The following PCDHGB4 variants were observed in gnomAD, a reference collection of about 807,000 sequenced individuals.
PCDHGB4 encodes protocadherin gamma subfamily B, 4.
Under a neutral mutation model 60.5 loss-of-function variants are expected in PCDHGB4, and 38 were observed. The observed-to-expected ratio is 0.63, with a 90% CI of 0.48 to 0.82. The LOEUF (loss-of-function observed/expected upper bound fraction) is 0.82. PCDHGB4 is among the 40% of genes least tolerant of loss of function. The probability of loss-of-function intolerance (pLI) is 0.00; values close to 1 mark genes in which losing one functional copy is unlikely to be tolerated. For missense variants in PCDHGB4, 1,109 were observed against 1,209.6 expected, an observed-to-expected ratio of 0.92 and a Z score of 1.23; for synonymous variants, 456 against 509.7, an observed-to-expected ratio of 0.89 and a Z score of 1.42.
chr5:141,395,221 A>G, intron 1 of PCDHGB4: 1 of 1,611,672 alleles, frequency 6.2e-7, no homozygotes, highest in Non-Finnish European at 8.5e-7. Context: ...TATAAGAATG[A>G]AGCTGATCAT....
At chr5:141,429,925 A>G (rs1009987955) in intron 1 of PCDHGB4, among the ~76,000 whole-genome samples, 5 of 152,244 alleles carry the variant, frequency 3.3e-5, no homozygotes, top group African/African-American at 1.2e-4. Flanking sequence ...TATTAATAGA[A>G]TTCTGGAGTA....
At position 141,412,987 on chromosome 5, in the gene PCDHGB4, A is replaced by G. The variant is rs192699644; in HGVS notation, c.2397+22706A>G. The G allele has an allele frequency of 3.7e-3, 2,104 of 564,638 alleles. 8 individuals carry two copies. Among genetic ancestry groups the G allele is most frequent in the Admixed American group, 0.011 (308 of 27,526 alleles). 35.0% of individuals were successfully genotyped at this position (564,638 alleles called of 1,614,324 possible). ...AGGAGAGAAAACGCAGCCAGAGCTCAATCCGGATTCTCAGGGCTTCAACTA... is the reference window on the plus strand; with the variant it reads ...AGGAGAGAAAACGCAGCCAGAGCTCGATCCGGATTCTCAGGGCTTCAACTA... On this transcript the variant is annotated intron_variant, in intron 1 of 3. Transcript: ENST00000519479.
Position 141,489,381 on chromosome 5 carries a change from T to C in PCDHGB4, c.2398-5426T>C. 3 of 1,613,894 alleles carry C rather than the reference T, an allele frequency of 1.9e-6. No individual in the cohort carries two copies. The highest frequency in any genetic ancestry group is 2.5e-6 in the Non-Finnish European group (3 of 1,179,802). On this transcript the variant is annotated intron_variant, in intron 1 of 3. Coordinates refer to ENST00000519479, the MANE Select transcript of PCDHGB4 (RefSeq NM_003736.4). The surrounding 1 kb of genome is among the most constrained non-coding windows in gnomAD (Gnocchi z 4.5). ...CTGAGCCGGGGACGCTGGTGGGGAA[T>C]GTTGCTCAGGATCTGGGCTTAAAGA...
rs750672396 is a variant in PCDHGB4, at chr5:141,388,843, G to C, written c.959G>C (p.Arg320Thr). The C allele has an allele frequency of 6.2e-7, 1 of 1,614,002 alleles. No homozygotes were observed. Among genetic ancestry groups the C allele is most frequent in the Admixed American group, 1.7e-5 (1 of 60,030 alleles). ...VKEYSIVLEA[R>T]DGGGMIAQCT... is the part of the protein sequence containing the mutation. ...GAATATTCCATAGTTTTGGAAGCAAGGGACGGTGGAGGAATGATTGCGCAA... is the reference window on the plus strand; with the variant it reads ...GAATATTCCATAGTTTTGGAAGCAACGGACGGTGGAGGAATGATTGCGCAA... The change falls in exon 1 of 4, where the codon AGG becomes ACG. Residue 320 changes from arginine (R) to threonine (T), a missense_variant. Arg to Thr is a moderately conservative substitution (Grantham distance 71, BLOSUM62 -1). Transcript: ENST00000519479.
intron 1 of PCDHGB4, among the ~76,000 whole-genome samples, chr5:141,434,848 C>T (rs1224972794): frequency 6.6e-6 from 1 of 151,786 alleles, no homozygotes; most frequent in Non-Finnish European, 1.5e-5. Context: ...AAGCAGACAT[C>T]AATAAATTTA....
chr5:141,509,513 T>C (rs2099877131), intron 3 of PCDHGB4, among the ~76,000 whole-genome samples: 2 of 152,068 alleles, frequency 1.3e-5, no homozygotes, highest in Non-Finnish European at 2.9e-5. Flanking sequence ...ACGGTGTTGA[T>C]GATGTATTGC....
At chr5:141,421,783 A>G in intron 1 of PCDHGB4, 1 of 1,613,882 alleles carries the variant, frequency 6.2e-7, no homozygotes, top group East Asian at 2.2e-5. Flanking sequence ...ACTGCGGGGC[A>G]GAACGGATGG....
At chr5:141,471,079 C>T (rs1169560328) in intron 1 of PCDHGB4, among the ~76,000 whole-genome samples, 1 of 145,256 alleles carries the variant, frequency 6.9e-6, no homozygotes, top group African/African-American at 2.5e-5. Context: ...GACAGGGTCT[C>T]CCTCTGTTGT....
intron 1 of PCDHGB4, chr5:141,420,184 A>G: frequency 5.0e-6 from 8 of 1,613,990 alleles, no homozygotes; most frequent in Non-Finnish European, 6.8e-6. Context: ...ATCATTGTCC[A>G]GCCACACAAG....
chr5:141,414,302 A>G (rs2095732200), intron 1 of PCDHGB4: 3 of 1,613,678 alleles, frequency 1.9e-6, no homozygotes, highest in Non-Finnish European at 2.5e-6. Flanking sequence ...TTAAATGTGC[A>G]TGATTTAGAC....
chr5:141,413,328 C>G, intron 1 of PCDHGB4: 1 of 1,614,004 alleles, frequency 6.2e-7, no homozygotes, highest in Non-Finnish European at 8.5e-7. Context: ...TCGTGGGCAA[C>G]ATCTCCAAGG....
chr5:141,448,983 T>G (rs1157371020), intron 1 of PCDHGB4, among the ~76,000 whole-genome samples: 1 of 152,004 alleles, frequency 6.6e-6, no homozygotes, highest in East Asian at 1.9e-4. Flanking sequence ...ACTTCCATAT[T>G]AATATATAGA....
intron 1 of PCDHGB4, chr5:141,400,748 C>A: frequency 5.0e-6 from 3 of 604,576 alleles, no homozygotes; most frequent in Non-Finnish European, 8.6e-6. Context: ...TTGCTCTTAG[C>A]TTCCTCTCTA....
At position 141,389,206 on chromosome 5, in the gene PCDHGB4, G is replaced by A; in HGVS notation, c.1322G>A (p.Gly441Asp). The change falls in exon 1 of 4, where the codon GGT becomes GAT. Residue 441 changes from glycine to aspartate, a missense_variant. Physicochemically the swap from Gly to Asp is moderately conservative, Grantham distance 94. Coordinates refer to ENST00000519479, the MANE Select transcript of PCDHGB4 (RefSeq NM_003736.4). The part of the protein sequence containing the change: ...SSSSSITLHI[G>D]DVNDNAPVFS... The stretch of plus-strand genomic sequence containing the variant: ...AGTTCCAGCATCACCCTGCACATTG[G>A]TGATGTAAATGACAACGCTCCGGTT... 6.2e-7 allele frequency: 1 copy of A among 1,614,014 alleles called. No individual in the cohort carries two copies. The highest frequency in any genetic ancestry group is 8.5e-7 in the Non-Finnish European group (1 of 1,179,870).
At chr5:141,419,306 C>T in intron 1 of PCDHGB4, 1 of 1,614,032 alleles carries the variant, frequency 6.2e-7, no homozygotes, top group Non-Finnish European at 8.5e-7. Context: ...AGACTTCGGG[C>T]TCAACGGCCG....
chr5:141,427,109 C>A lies in PCDHGB4; in HGVS notation c.2397+36828C>A, dbSNP rs141512367. On this transcript the variant is annotated intron_variant, in intron 1 of 3. Coordinates refer to ENST00000519479, the MANE Select transcript of PCDHGB4 (RefSeq NM_003736.4). ...AGGATGAGGGTGTCAATGCGGAGAT[C>A]ACCTACTCTTTCAAATCCCTACGAG... 1,737 of 457,784 alleles carry A rather than the reference C, an allele frequency of 3.8e-3. 17 individuals carry two copies. Among genetic ancestry groups the A allele is most frequent in the Admixed American group, 0.01 (426 of 42,600 alleles). 28.4% of individuals were successfully genotyped at this position (457,784 alleles called of 1,614,324 possible). A position where few individuals can be genotyped will look rare whatever the true frequency, so the allele number is the denominator to read the frequency against.
chr5:141,409,495 T>C (rs777919409), intron 1 of PCDHGB4: 5 of 1,613,862 alleles, frequency 3.1e-6, no homozygotes, highest in Non-Finnish European at 4.2e-6. Context: ...GCAAGCCGCC[T>C]CTTTCTTCCA....
chr5:141,491,837 G>A lies in PCDHGB4; in HGVS notation c.2398-2970G>A, dbSNP rs1404051857. The A allele has an allele frequency of 1.4e-6, 2 of 1,472,862 alleles. No individual in the cohort carries two copies. The highest frequency in any genetic ancestry group is 1.8e-6 in the Non-Finnish European group (2 of 1,111,878). The allele number at this position is 1,472,862 out of a possible 1,614,324, so 91.2% of individuals were successfully genotyped here. A position where few individuals can be genotyped will look rare whatever the true frequency, so the allele number is the denominator to read the frequency against. ...TGGCTGCGCTCCACCCGATTCTCGG[G>A]ATCATTGGACCGTTTGCGCGAAACC... On this transcript the variant is annotated intron_variant, in intron 1 of 3. Transcript: ENST00000519479. The surrounding 1 kb of genome is among the most constrained non-coding windows in gnomAD (Gnocchi z 6.9).
In PCDHGB4 at chr5:141,388,360, A is replaced by C; in HGVS notation, c.476A>C (p.Asp159Ala). 6.2e-7 allele frequency: 1 copy of C among 1,613,996 alleles called. No individual in the cohort carries two copies. Among genetic ancestry groups the C allele is most frequent in the South Asian group, 1.1e-5 (1 of 91,078 alleles). The change falls in exon 1 of 4, where the codon GAT (aspartate) becomes GCT (alanine). Residue 159 changes from aspartate to alanine, a missense_variant. Coordinates refer to ENST00000519479, the MANE Select transcript of PCDHGB4 (RefSeq NM_003736.4). ...CGATTTATATTAGGATCTGCCCATG[A>C]TGCGGATATTGGTAGCAACACACTG... ...GTRFILGSAH[D>A]ADIGSNTLQN...
Sources: gnomAD v4.1 joint callset for allele counts (sites outside exome capture counted in the v4.1 genomes callset) on GRCh38, gnomAD v4.1.1 for gene constraint, Gnocchi (gnomAD v3.1) non-coding constraint, MANE v1.5 for transcripts, NCBI Gene and HGNC (gene_info 2026-07-23, HGNC 2026-07-21) for gene names.